The following TSHZ2 variants were observed in gnomAD, a reference collection of about 807,000 sequenced individuals.
TSHZ2 encodes teashirt zinc finger homeobox 2.
TSHZ2 carries 21 observed loss-of-function variants against 74.4 expected under a neutral mutation model. The observed-to-expected ratio is 0.28, with a 90% CI of 0.20 to 0.41. The LOEUF is 0.41. Ranked by LOEUF, TSHZ2 falls within the 10% of genes least tolerant of loss-of-function variation. TSHZ2 has a pLI of 1.00. For synonymous variants in TSHZ2, 540 were observed against 515.3 expected (o/e 1.05, Z -0.65); for missense variants, 1,244 against 1,293.5 (o/e 0.96, Z 0.59).
chr20:53,270,046 G>A (rs2123757679), intron 2 of TSHZ2, among the ~76,000 whole-genome samples: 1 of 152,188 alleles, frequency 6.6e-6, no homozygotes, highest in Middle Eastern at 3.4e-3. Flanking sequence ...AATAAAACTG[G>A]GAGCTATGTA....
At chr20:53,387,291 T>A (rs564775101) in intron 2 of TSHZ2, among the ~76,000 whole-genome samples, 1 of 152,368 alleles carries the variant, frequency 6.6e-6, no homozygotes, top group African/African-American at 2.4e-5. Context: ...GAAATGCCAC[T>A]GGAAGTTTCT....
chr20:53,164,504 G>A (rs1988021171), intron 1 of TSHZ2, among the ~76,000 whole-genome samples: 1 of 152,070 alleles, frequency 6.6e-6, no homozygotes, highest in South Asian at 2.1e-4. Flanking sequence ...AAGAAGTGCT[G>A]TCCAATAGAA....
intron 2 of TSHZ2, among the ~76,000 whole-genome samples, chr20:53,397,294 C>A (rs1982485801): frequency 6.6e-6 from 1 of 152,174 alleles, no homozygotes; most frequent in Non-Finnish European, 1.5e-5. Flanking sequence ...AATCAAACAA[C>A]CCCATCAACA....
chr20:53,162,157 CA>C (rs1987955817), intron 1 of TSHZ2, among the ~76,000 whole-genome samples: 1 of 152,102 alleles, frequency 6.6e-6, no homozygotes, highest in Non-Finnish European at 1.5e-5. Flanking sequence ...TTGTGGATTG[CA>C]TTATTCTTTT....
chr20:53,097,211 G>C (rs76841125), intron 1 of TSHZ2, among the ~76,000 whole-genome samples: 1,895 of 152,064 alleles, frequency 0.012, 27 homozygotes, highest in African/African-American at 0.032. Flanking sequence ...GAGAACCATT[G>C]AGTTAAACCC....
chr20:53,118,720 A>G (rs886364430), intron 1 of TSHZ2, among the ~76,000 whole-genome samples: 5 of 152,172 alleles, frequency 3.3e-5, no homozygotes, highest in African/African-American at 9.7e-5. Flanking sequence ...GTAAGCAGCC[A>G]GCAGCCACCA....
intron 2 of TSHZ2, among the ~76,000 whole-genome samples, chr20:53,462,199 A>T (rs1340568618): frequency 3.9e-5 from 6 of 152,204 alleles, no homozygotes; most frequent in Non-Finnish European, 7.3e-5. Context: ...GGTTGCAGTG[A>T]GCCAAGACTG....
intron 2 of TSHZ2, among the ~76,000 whole-genome samples, chr20:53,332,718 C>T (rs1299911705): frequency 6.6e-6 from 1 of 152,188 alleles, no homozygotes; most frequent in Non-Finnish European, 1.5e-5. Context: ...TGTGTACCAA[C>T]TTTTTCCTTT....
At chr20:53,014,724 C>T (rs1600646291) in intron 1 of TSHZ2, among the ~76,000 whole-genome samples, 1 of 152,152 alleles carries the variant, frequency 6.6e-6, no homozygotes, top group East Asian at 1.9e-4. Flanking sequence ...TTTTTCTTGG[C>T]CTACTTGTTA....
chr20:53,306,015 G>A (rs1485552055), intron 2 of TSHZ2, among the ~76,000 whole-genome samples: 1 of 151,498 alleles, frequency 6.6e-6, no homozygotes, highest in African/African-American at 2.4e-5. Flanking sequence ...AAGTAACAGA[G>A]AGCCCAGCCC....
chr20:53,182,166 CTTTCTTTCTTCCTTCCTT>C (rs1568799159), intron 1 of TSHZ2, among the ~76,000 whole-genome samples: 2 of 87,122 alleles, frequency 2.3e-5, no homozygotes, highest in Non-Finnish European at 2.5e-5. Context: ...TCTTCCTTTT[CTTTCTTTCTTCCTTCCTT>C]TTCTTTCTTT....
chr20:53,426,539 GAGA>G (rs1983663147), intron 2 of TSHZ2, among the ~76,000 whole-genome samples: 1 of 152,022 alleles, frequency 6.6e-6, no homozygotes, highest in Admixed American at 6.6e-5. Context: ...CCTCTTAACA[GAGA>G]AGGTCAGTCA....
chr20:53,390,570 G>C (rs916931215), intron 2 of TSHZ2, among the ~76,000 whole-genome samples: 1 of 152,184 alleles, frequency 6.6e-6, no homozygotes, highest in African/African-American at 2.4e-5. Context: ...GAGCAAGAAA[G>C]TCTTTGCTAT....
intron 1 of TSHZ2, among the ~76,000 whole-genome samples, chr20:53,226,429 T>C (rs973403334): frequency 2.0e-5 from 3 of 149,012 alleles, no homozygotes; most frequent in African/African-American, 7.5e-5. Context: ...TGTGGGTCGG[T>C]GTGTGTATGT....
rs536391450 is a variant in TSHZ2 at position 53,492,355 on chromosome 20, T to A, written c.*5220T>A. ...CAGCCAGTCTTCAGAGAAGTAAAAG[T>A]GATGTCTATTGTGCATTGAAGTAAA... On this transcript the variant is annotated 3_prime_UTR_variant, in exon 3 of 3. Transcript: ENST00000371497. 6.6e-6 allele frequency: 1 copy of A among 152,346 alleles called. No individual in the cohort carries two copies. Among genetic ancestry groups the A allele is most frequent in the Non-Finnish European group, 1.5e-5 (1 of 68,026 alleles). The allele number at this position is 152,346 out of a possible 1,614,324, so 9.4% of individuals were successfully genotyped here.
intron 2 of TSHZ2, among the ~76,000 whole-genome samples, chr20:53,299,791 A>T (rs1991446459): frequency 6.6e-6 from 1 of 151,074 alleles, no homozygotes; most frequent in African/African-American, 2.4e-5. Flanking sequence ...TCTTCCTTGG[A>T]CAATTCATTT....
At chr20:53,043,076 CAAAG>C (rs753193963) in intron 1 of TSHZ2, among the ~76,000 whole-genome samples, 13 of 151,966 alleles carry the variant, frequency 8.6e-5, no homozygotes, top group Non-Finnish European at 1.3e-4. Context: ...TTTAGGTTGG[CAAAG>C]AAAGCATAAT....
At chr20:53,171,599 C>A (rs1423409082) in intron 1 of TSHZ2, among the ~76,000 whole-genome samples, 2 of 151,256 alleles carry the variant, frequency 1.3e-5, no homozygotes, top group African/African-American at 2.4e-5. Flanking sequence ...GTGTTTAATA[C>A]CCTTTAAAAT....
At chr20:53,127,205 T>C (rs1986971376) in intron 1 of TSHZ2, among the ~76,000 whole-genome samples, 1 of 152,212 alleles carries the variant, frequency 6.6e-6, no homozygotes, top group African/African-American at 2.4e-5. Flanking sequence ...ATGTATTGAG[T>C]GCCCACTAAG....
Sources: gnomAD v4.1 joint callset for allele counts (sites outside exome capture counted in the v4.1 genomes callset) on GRCh38, gnomAD v4.1.1 for gene constraint, MANE v1.5 for transcripts, NCBI Gene and HGNC (gene_info 2026-07-23, HGNC 2026-07-21) for gene names.